Variants in FHOD3 observed in about 807,000 individuals in gnomAD.
The protein encoded by FHOD3 is FH1/FH2 domain-containing protein 3.
A neutral mutation model predicts 173.0 loss-of-function variants in FHOD3; 90 were observed. The ratio of observed to expected loss-of-function variants is 0.52; its 90% CI spans 0.44 to 0.62. The LOEUF is 0.62. FHOD3 is among the 20% of genes least tolerant of loss of function. The pLI, the probability that FHOD3 is intolerant of heterozygous loss-of-function variation, is 0.00. For synonymous variants in FHOD3, 828 were observed against 823.0 expected (o/e 1.01, Z -0.10); for missense variants, 1,945 against 2,034.7 (o/e 0.96, Z 0.85).
rs199586508 is a variant in FHOD3, at chr18:36,438,305, G to A, written c.338-63627G>A. ...TGCCAGCTGTGGAGTGTGCTTGCAGGTTACCTGCAACCTCCTCCTTGCCAA... is the reference window on the plus strand; with the variant it reads ...TGCCAGCTGTGGAGTGTGCTTGCAGATTACCTGCAACCTCCTCCTTGCCAA... On this transcript the variant is annotated intron_variant, in intron 3 of 28. Coordinates refer to ENST00000590592, the MANE Select transcript of FHOD3 (RefSeq NM_001281740.3). Among the ~76,000 whole-genome samples the A allele has an allele frequency of 1.2e-4, 18 of 152,248 alleles. No individual in the cohort carries two copies. In the East Asian group the frequency reaches 3.1e-3, roughly 26 times the overall value.
chr18:36,611,823 G>T (rs2032709217), intron 8 of FHOD3, 129 bp from the exon 9 acceptor site: 2 of 872,074 alleles, frequency 2.3e-6, no homozygotes, highest in South Asian at 2.0e-5. Context: ...AAATAAATTT[G>T]TCATCTGTCT....
chr18:36,324,022 A>G (rs2044538232), intron 1 of FHOD3, among the ~76,000 whole-genome samples: 1 of 152,268 alleles, frequency 6.6e-6, no homozygotes, highest in Non-Finnish European at 1.5e-5. Flanking sequence ...TTGTTGATTC[A>G]TAAGTAGCAA....
chr18:36,766,874 G>A (rs2043161337), intron 27 of FHOD3, among the ~76,000 whole-genome samples: 1 of 152,174 alleles, frequency 6.6e-6, no homozygotes, highest in Non-Finnish European at 1.5e-5. Flanking sequence ...ACAATTTATT[G>A]AGCTTTGCAT....
chr18:36,355,532 C>T lies in FHOD3; in HGVS notation c.166-7C>T. On this transcript the variant is annotated splice_region_variant and splice_polypyrimidine_tract_variant and intron_variant, in intron 1 of 28. Coordinates refer to ENST00000590592, the MANE Select transcript of FHOD3 (RefSeq NM_001281740.3). ...AGGTTGGGTATAACAGGCTCTTTCT[C>T]TTGCAGCTGGATGACTGTACTCTGC... is the stretch of plus-strand genomic sequence containing the variant. 6.2e-7 allele frequency: 1 copy of T among 1,613,840 alleles called. No individual in the cohort carries two copies. The highest frequency in any genetic ancestry group is 8.5e-7 in the Non-Finnish European group (1 of 1,179,766).
intron 1 of FHOD3, among the ~76,000 whole-genome samples, chr18:36,309,103 C>G (rs909918405): frequency 6.6e-6 from 1 of 152,080 alleles, no homozygotes; most frequent in Non-Finnish European, 1.5e-5. Flanking sequence ...CCTGGGGGCT[C>G]TCGTGGGTGG....
intron 14 of FHOD3, among the ~76,000 whole-genome samples, chr18:36,659,375 A>T (rs2036628718): frequency 6.6e-6 from 1 of 152,144 alleles, no homozygotes; most frequent in Non-Finnish European, 1.5e-5. Flanking sequence ...TACCCCGAAG[A>T]CACCATTACC....
chr18:36,685,840 C>A (rs989909224), intron 15 of FHOD3, among the ~76,000 whole-genome samples: 1 of 152,122 alleles, frequency 6.6e-6, no homozygotes, highest in Non-Finnish European at 1.5e-5. Context: ...CAATTTGGAA[C>A]CTAACCAGCA....
chr18:36,540,939 C>G (rs1016597460), intron 5 of FHOD3, among the ~76,000 whole-genome samples: 1 of 152,110 alleles, frequency 6.6e-6, no homozygotes, highest in Non-Finnish European at 1.5e-5. Flanking sequence ...TTAGCATAGC[C>G]TCAAAAGGAG....
intron 7 of FHOD3, among the ~76,000 whole-genome samples, chr18:36,597,623 T>C (rs538136614): frequency 6.6e-6 from 1 of 152,294 alleles, no homozygotes; most frequent in Non-Finnish European, 1.5e-5. Flanking sequence ...AGATGGGCTT[T>C]CACCGTTTTA....
Position 36,543,926 on chromosome 18 carries a change from C to A in FHOD3, c.511+31383C>A, listed in dbSNP as rs113139258. ...AGAAGCTAGGAACTTCGTATCTGAA[C>A]ACCCAGATTAATTGTCCTTGGAGTG... is the stretch of plus-strand genomic sequence containing the variant. On this transcript the variant is annotated intron_variant, in intron 5 of 28. Coordinates refer to ENST00000590592, the MANE Select transcript of FHOD3 (RefSeq NM_001281740.3). Among the ~76,000 whole-genome samples, 366 of 152,330 alleles carry A rather than the reference C, an allele frequency of 2.4e-3. 3 individuals carry two copies. Among genetic ancestry groups the A allele is most frequent in the African/African-American group, 8.6e-3 (359 of 41,594 alleles).
intron 16 of FHOD3, among the ~76,000 whole-genome samples, chr18:36,690,628 C>T (rs951614399): frequency 1.3e-5 from 2 of 150,000 alleles, no homozygotes; most frequent in Non-Finnish European, 3.0e-5. Flanking sequence ...CTCCGCGTAC[C>T]AGCCCACCGC....
chr18:36,619,793 A>G (rs1338225032), intron 9 of FHOD3, among the ~76,000 whole-genome samples: 1 of 152,250 alleles, frequency 6.6e-6, no homozygotes, highest in Admixed American at 6.5e-5. Context: ...AAACATGTCT[A>G]TGAAGAAAAG....
chr18:36,648,825 G>A (rs1028967907), intron 10 of FHOD3, among the ~76,000 whole-genome samples: 13 of 152,212 alleles, frequency 8.5e-5, no homozygotes, highest in African/African-American at 1.4e-4. Flanking sequence ...TAGGTCCACC[G>A]TGGAAGTTAG....
At chr18:36,568,829 A>G (rs993968944) in intron 5 of FHOD3, among the ~76,000 whole-genome samples, 5 of 152,162 alleles carry the variant, frequency 3.3e-5, no homozygotes, top group African/African-American at 9.7e-5. Flanking sequence ...TTGGCGCGCA[A>G]TGAACTAGGA....
chr18:36,376,853 CAAG>C (rs1187590957), intron 3 of FHOD3, among the ~76,000 whole-genome samples: 3 of 152,246 alleles, frequency 2.0e-5, no homozygotes, highest in Non-Finnish European at 2.9e-5. Flanking sequence ...AACATTTCCT[CAAG>C]AAGAACCTCC....
At chr18:36,656,697 C>G (rs1250733032) in intron 13 of FHOD3, among the ~76,000 whole-genome samples, 1 of 152,130 alleles carries the variant, frequency 6.6e-6, no homozygotes, top group African/African-American at 2.4e-5. Flanking sequence ...TGTGATCAAA[C>G]TGTGTATATT....
intron 27 of FHOD3, among the ~76,000 whole-genome samples, chr18:36,769,013 G>A (rs1418693195): frequency 6.6e-6 from 1 of 152,174 alleles, no homozygotes; most frequent in Non-Finnish European, 1.5e-5. Context: ...GTGTTACAGG[G>A]TGATATGAAA....
intron 3 of FHOD3, among the ~76,000 whole-genome samples, chr18:36,470,201 C>T (rs754456022): frequency 1.5e-4 from 23 of 152,294 alleles, no homozygotes; most frequent in South Asian, 4.1e-4. Flanking sequence ...CGGGGGGTTT[C>T]TCTTCTGTAC....
At position 36,652,636 on chromosome 18, in the gene FHOD3, C is replaced by T; in HGVS notation, c.1353C>T (p.Leu451=). The part of the protein sequence containing the change: ...GRDAAPKSSA[L]PAVSNASSQG... ...ATGCTGCTCCCAAGAGCTCTGCCCT[C>T]CCTGCTGTCTCGAATGCCAGCTCGC... The change falls in exon 12 of 29, where the codon CTC becomes CTT. Residue 451 remains leucine, a synonymous_variant. Transcript: ENST00000590592. 6.5e-7 allele frequency: 1 copy of T among 1,535,450 alleles called. No homozygotes were observed. The highest frequency in any genetic ancestry group is 8.7e-7 in the Non-Finnish European group (1 of 1,146,688).
Sources: allele counts gnomAD v4.1 joint callset (sites outside exome capture counted in the v4.1 genomes callset), GRCh38; gene constraint gnomAD v4.1.1; transcripts MANE v1.5; gene names NCBI Gene and HGNC (gene_info 2026-07-23, HGNC 2026-07-21).